Variants in NEK10 observed in about 807,000 individuals in gnomAD.
NEK10 encodes NIMA related kinase 10.
A neutral mutation model predicts 159.8 loss-of-function variants in NEK10; 122 were observed. That is an observed-to-expected ratio of 0.76 (90% CI 0.66 to 0.89). NEK10 has a LOEUF of 0.89. Among genes scored for constraint, NEK10 ranks in the 40% least tolerant of loss-of-function variants. NEK10 has a pLI of 0.00. For missense variants in NEK10, 1,342 were observed against 1,323.1 expected (o/e 1.01, Z -0.22); for synonymous variants, 466 against 457.1 (o/e 1.02, Z -0.25).
At chr3:27,279,205 T>A (rs2041977346) in intron 22 of NEK10, among the ~76,000 whole-genome samples, 1 of 152,236 alleles carries the variant, frequency 6.6e-6, no homozygotes, top group Non-Finnish European at 1.5e-5. Flanking sequence ...AATGAGAAGA[T>A]GAAAATTTTA....
At chr3:27,320,010 C>G (rs2045505306) in intron 6 of NEK10, among the ~76,000 whole-genome samples, 1 of 152,172 alleles carries the variant, frequency 6.6e-6, no homozygotes, top group African/African-American at 2.4e-5. Flanking sequence ...TTGTAGTAAA[C>G]CCCAGCATAG....
chr3:27,150,873 T>C (rs1413152559), intron 30 of NEK10, among the ~76,000 whole-genome samples: 1 of 152,140 alleles, frequency 6.6e-6, no homozygotes, highest in Admixed American at 6.5e-5. Flanking sequence ...AAAACATGTA[T>C]GCATTTTAGC....
At chr3:27,193,789 T>C (rs898516682) in intron 25 of NEK10, among the ~76,000 whole-genome samples, 1 of 152,058 alleles carries the variant, frequency 6.6e-6, no homozygotes, top group Non-Finnish European at 1.5e-5. Flanking sequence ...CCATTTGCAC[T>C]TAAGTACTTA....
intron 23 of NEK10, among the ~76,000 whole-genome samples, chr3:27,251,287 C>T (rs1249896590): frequency 1.3e-5 from 2 of 152,132 alleles, no homozygotes; most frequent in South Asian, 4.1e-4. Context: ...TCCAATTATG[C>T]TTATTTTTGA....
At chr3:27,263,233 G>T (rs2040572107) in intron 22 of NEK10, among the ~76,000 whole-genome samples, 3 of 152,180 alleles carry the variant, frequency 2.0e-5, no homozygotes, top group African/African-American at 7.2e-5. Context: ...CCCTACTAGG[G>T]GGTGCCTCCC....
intron 28 of NEK10, among the ~76,000 whole-genome samples, chr3:27,172,600 G>A (rs1947113463): frequency 6.6e-6 from 1 of 151,944 alleles, no homozygotes; most frequent in Non-Finnish European, 1.5e-5. Flanking sequence ...AAAATAGCTA[G>A]AAGGGGAGAT....
At chr3:27,311,606 G>A (rs2044707036) in intron 8 of NEK10, 1 of 172,570 alleles carries the variant, frequency 5.8e-6, no homozygotes, top group African/African-American at 2.4e-5. Context: ...AGGACAGCAG[G>A]GCTGGGAAGA....
chr3:27,182,837 A>G (rs2148926577), intron 26 of NEK10, among the ~76,000 whole-genome samples: 1 of 152,246 alleles, frequency 6.6e-6, no homozygotes, highest in South Asian at 2.1e-4. Context: ...AGAAAGAGAA[A>G]TACAAAATGT....
intron 23 of NEK10, among the ~76,000 whole-genome samples, chr3:27,255,859 T>C (rs969482980): frequency 3.9e-5 from 6 of 152,186 alleles, no homozygotes; most frequent in Non-Finnish European, 8.8e-5. Context: ...CTAGGATAGG[T>C]ATTAGTGTAC....
intron 5 of NEK10, among the ~76,000 whole-genome samples, chr3:27,332,139 T>A (rs748278507): frequency 6.6e-6 from 1 of 152,142 alleles, no homozygotes; most frequent in Non-Finnish European, 1.5e-5. Flanking sequence ...AAATTTCATA[T>A]TAAAGAGCAG....
chr3:27,135,472 C>G (rs1411235958), intron 31 of NEK10, among the ~76,000 whole-genome samples: 1 of 152,100 alleles, frequency 6.6e-6, no homozygotes, highest in Non-Finnish European at 1.5e-5. Flanking sequence ...ATGTTTTATA[C>G]TAGGTTTTCT....
chr3:27,295,513 CAGTA>C, intron 15 of NEK10, 96 bp downstream of exon 15: 1 of 1,413,676 alleles, frequency 7.1e-7, no homozygotes, highest in African/African-American at 1.4e-5. Context: ...GTACAGGGAC[CAGTA>C]CTAACCTAAA....
intron 23 of NEK10, among the ~76,000 whole-genome samples, chr3:27,231,332 G>A (rs1031098007): frequency 5.3e-5 from 8 of 151,862 alleles, no homozygotes; most frequent in Admixed American, 3.3e-4. Context: ...CAAAACCTCT[G>A]GAATACAGCA....
intron 23 of NEK10, chr3:27,215,463 G>C (rs888577006): frequency 4.2e-5 from 16 of 378,998 alleles, no homozygotes; most frequent in Admixed American, 2.6e-4. Context: ...GACCTGTTCA[G>C]TGTGTTATAA....
rs563490204 is a variant in NEK10 at position 27,336,923 on chromosome 3, G to T, written c.362+7349C>A. Among the ~76,000 whole-genome samples, 221 of 151,852 alleles carry T rather than the reference G, an allele frequency of 1.5e-3. 2 individuals carry two copies. The highest frequency in any genetic ancestry group is 1.7e-3 in the Non-Finnish European group (118 of 67,908). Reference sequence around the variant, plus strand: ...CTGAAGGTTTTTCCTCCAAGAAATGGAACATGACAAGGCTGTCTACCTGCA... The same window carrying T: ...CTGAAGGTTTTTCCTCCAAGAAATGTAACATGACAAGGCTGTCTACCTGCA... On this transcript the variant is annotated intron_variant, in intron 5 of 35. Coordinates refer to ENST00000691995, the MANE Select transcript of NEK10 (RefSeq NM_001394966.1).
chr3:27,169,509 G>A (rs534593930), intron 29 of NEK10, among the ~76,000 whole-genome samples: 1 of 152,048 alleles, frequency 6.6e-6, no homozygotes, highest in Admixed American at 6.6e-5. Context: ...GTTTTCCTTG[G>A]GTTTTTATTC....
At chr3:27,122,508 T>A (rs78271908) in intron 32 of NEK10, among the ~76,000 whole-genome samples, 2,825 of 152,230 alleles carry the variant, frequency 0.019, 90 homozygotes, top group African/African-American at 0.064. Flanking sequence ...GCTGCAGGGT[T>A]TCATGGAGGT....
At chr3:27,282,375 A>C (rs1012662837) in intron 22 of NEK10, among the ~76,000 whole-genome samples, 11 of 151,906 alleles carry the variant, frequency 7.2e-5, no homozygotes, top group Non-Finnish European at 1.5e-4. Context: ...CTGCAATAAA[A>C]GATTAAGCTT....
At chr3:27,151,606 C>T (rs1041507899) in intron 30 of NEK10, among the ~76,000 whole-genome samples, 1 of 152,118 alleles carries the variant, frequency 6.6e-6, no homozygotes, top group African/African-American at 2.4e-5. Flanking sequence ...CTCTGTAACA[C>T]CCCCCAAAAA....
Sources: allele counts gnomAD v4.1 joint callset (sites outside exome capture counted in the v4.1 genomes callset), GRCh38; gene constraint gnomAD v4.1.1; transcripts MANE v1.5; gene names NCBI Gene and HGNC (gene_info 2026-07-23, HGNC 2026-07-21).